STAU1: variants seen among roughly 807,000 people sequenced by gnomAD.
STAU1 encodes the protein double-stranded RNA-binding protein Staufen homolog 1.
STAU1 carries 13 observed loss-of-function variants against 62.9 expected under a neutral mutation model. The observed-to-expected ratio is 0.21, with a 90% CI of 0.13 to 0.33. The LOEUF is 0.33. Among genes scored for constraint, STAU1 ranks in the 10% least tolerant of loss-of-function variants. STAU1 has a pLI of 1.00. For missense variants in STAU1, 571 were observed against 712.1 expected (o/e 0.80, Z 2.25); for synonymous variants, 269 against 265.1 (o/e 1.01, Z -0.14).
intron 3 of STAU1, among the ~76,000 whole-genome samples, chr20:49,163,457 GCT>G (rs1441809551): frequency 1.7e-5 from 2 of 118,102 alleles, no homozygotes; most frequent in African/African-American, 6.7e-5. Flanking sequence ...ATGGAATCTC[GCT>G]CTGTTGCCCA....
chr20:49,209,038 T>G, the STAU1 span, among the ~76,000 whole-genome samples: 1 of 151,520 alleles, frequency 6.6e-6, no homozygotes, highest in East Asian at 1.9e-4. Context: ...CAGGCTCAAG[T>G]GATTCTCCTA....
the STAU1 span, among the ~76,000 whole-genome samples, chr20:49,201,044 C>CAAAAAAAAAAAAAAAA: frequency 8.6e-4 from 27 of 31,506 alleles, no homozygotes; most frequent in Non-Finnish European, 1.2e-3. Context: ...GACCCACTCT[C>CAAAAAAAAAAAAAAAA]AAAAAAAAAA....
intron 3 of STAU1, among the ~76,000 whole-genome samples, chr20:49,164,323 G>T (rs1045332472): frequency 2.0e-5 from 3 of 151,676 alleles, no homozygotes; most frequent in African/African-American, 4.8e-5. Flanking sequence ...TTGAGACAGG[G>T]TCTCGCTCTG....
intron 1 of STAU1, among the ~76,000 whole-genome samples, chr20:49,175,620 C>T (rs918157586): frequency 8.6e-5 from 13 of 151,530 alleles, no homozygotes; most frequent in African/African-American, 2.9e-4. Flanking sequence ...GCTGGGGTTA[C>T]AGGTGCCCGC....
At chr20:49,128,021 T>C (rs1309909631) in intron 6 of STAU1, among the ~76,000 whole-genome samples, 1 of 152,066 alleles carries the variant, frequency 6.6e-6, no homozygotes, top group Non-Finnish European at 1.5e-5. Context: ...TGGTAGCGCA[T>C]GCCCATAATC....
At chr20:49,123,285 C>G in intron 7 of STAU1, 50 bp from the exon 8 acceptor site, 1 of 1,613,510 alleles carries the variant, frequency 6.2e-7, no homozygotes, top group Non-Finnish European at 8.5e-7. Flanking sequence ...ACCGCATGAA[C>G]TTGGTCAACT....
Position 49,141,552 on chromosome 20 carries a change from G to C in STAU1, c.511-5621C>G, listed in dbSNP as rs533144725. Among the ~76,000 whole-genome samples the C allele has an allele frequency of 2.6e-5, 4 of 152,320 alleles. No individual in the cohort carries two copies. In the South Asian group the frequency reaches 8.3e-4, roughly 32 times the overall value. On this transcript the variant is annotated intron_variant, in intron 5 of 13. Coordinates refer to ENST00000371856, the MANE Select transcript of STAU1 (RefSeq NM_017453.4). ...TTTAAGGCTGCAGTGAGCTATGATC[G>C]TGCCACTGCACTCCAGCCTGGGTGG... is the stretch of plus-strand genomic sequence containing the variant.
chr20:49,159,909 T>C (rs932769717), intron 3 of STAU1, among the ~76,000 whole-genome samples: 1 of 152,220 alleles, frequency 6.6e-6, no homozygotes, highest in Non-Finnish European at 1.5e-5. Context: ...AATAGAATTA[T>C]GTTTTAAAAC....
chr20:49,128,471 G>A lies in STAU1; in HGVS notation c.610-3884C>T, dbSNP rs150070215. On this transcript the variant is annotated intron_variant, in intron 6 of 13. Transcript: ENST00000371856. ...ACACCACTCCCAATTAGAAGGAACC[G>A]GATCTTCTTGGAGGAATGGCCAAGA... Among the ~76,000 whole-genome samples the A allele has an allele frequency of 2.7e-3, 408 of 152,190 alleles. 1 individual carries two copies. The highest frequency in any genetic ancestry group is 2.7e-3 in the Admixed American group (41 of 15,286).
the STAU1 span, among the ~76,000 whole-genome samples, chr20:49,196,293 G>A: frequency 3.3e-5 from 5 of 151,442 alleles, no homozygotes; most frequent in Admixed American, 1.3e-4. Context: ...AAAATTAGCC[G>A]GGCAAGGTGG....
At chr20:49,184,414 T>TA (rs1404586363) in intron 1 of STAU1, among the ~76,000 whole-genome samples, 22 of 152,114 alleles carry the variant, frequency 1.4e-4, no homozygotes, top group African/African-American at 4.3e-4. Flanking sequence ...CACTCACACT[T>TA]ACACACACAG....
chr20:49,118,428 A>G lies in STAU1; in HGVS notation c.1114-20T>C. The G allele has an allele frequency of 6.3e-7, 1 of 1,574,872 alleles. No homozygotes were observed. Among genetic ancestry groups the G allele is most frequent in the East Asian group, 2.2e-5 (1 of 44,726 alleles). On this transcript the variant is annotated intron_variant, in intron 9 of 13. Transcript: ENST00000371856. ...GGGTGTCTTAAAAAAGAAGAAGAAAAAAAAAAGGCCATGAGCATAAATCAG... is the reference window on the plus strand; with the variant it reads ...GGGTGTCTTAAAAAAGAAGAAGAAAGAAAAAAGGCCATGAGCATAAATCAG...
chr20:49,165,906 T>C, intron 3 of STAU1, 91 bp downstream of exon 3: 1 of 1,320,406 alleles, frequency 7.6e-7, no homozygotes, highest in Non-Finnish European at 1.1e-6. Context: ...TGAAGGTAAA[T>C]GTGAGAGCTC....
At chr20:49,171,368 C>T (rs2093594556) in intron 2 of STAU1, among the ~76,000 whole-genome samples, 1 of 152,230 alleles carries the variant, frequency 6.6e-6, no homozygotes, top group Admixed American at 6.5e-5. Flanking sequence ...GATCTCAGCT[C>T]ACTGCAAGTT....
At chr20:49,197,918 A>C in the STAU1 span, among the ~76,000 whole-genome samples, 1 of 152,140 alleles carries the variant, frequency 6.6e-6, no homozygotes, top group Non-Finnish European at 1.5e-5. Flanking sequence ...TATGTTGCTC[A>C]GGCTGGTCTC....
chr20:49,183,789 C>G (rs1251135373), intron 1 of STAU1, among the ~76,000 whole-genome samples: 1 of 152,148 alleles, frequency 6.6e-6, no homozygotes, highest in African/African-American at 2.4e-5. Context: ...GAAACTGAGA[C>G]TTCCGACTAA....
the STAU1 span, among the ~76,000 whole-genome samples, chr20:49,194,617 G>A: frequency 6.6e-6 from 1 of 150,946 alleles, no homozygotes; most frequent in Non-Finnish European, 1.5e-5. Context: ...TCGCTCTGTC[G>A]CCCAGACTGC....
the STAU1 span, among the ~76,000 whole-genome samples, chr20:49,193,414 TGTAATCCGA>T: frequency 6.6e-6 from 1 of 150,710 alleles, no homozygotes; most frequent in Non-Finnish European, 1.5e-5. Context: ...AGCTCACACC[TGTAATCCGA>T]GTTCTTTGGG....
the STAU1 span, among the ~76,000 whole-genome samples, chr20:49,202,135 G>C: frequency 6.6e-6 from 1 of 150,852 alleles, no homozygotes; most frequent in Non-Finnish European, 1.5e-5. Context: ...CAGGAGAATG[G>C]CGTGAACCCG....
Sources: allele counts gnomAD v4.1 joint callset (sites outside exome capture counted in the v4.1 genomes callset), GRCh38; gene constraint gnomAD v4.1.1; transcripts MANE v1.5; gene names NCBI Gene and HGNC (gene_info 2026-07-23, HGNC 2026-07-21).